Variants in SRSF11 observed in about 807,000 individuals in gnomAD.
The protein encoded by SRSF11 is serine/arginine-rich splicing factor 11.
A neutral mutation model predicts 56.0 loss-of-function variants in SRSF11; 9 were observed. The ratio of observed to expected loss-of-function variants is 0.16; its 90% CI spans 0.10 to 0.28. SRSF11 has a LOEUF of 0.28. Among genes scored for constraint, SRSF11 ranks in the 10% least tolerant of loss-of-function variants. SRSF11 has a pLI of 1.00. For synonymous variants in SRSF11, 222 were observed against 215.3 expected (o/e 1.03, Z -0.27); for missense variants, 421 against 600.7 (o/e 0.70, Z 3.13).
chr1:70,237,905 A>G (rs902152289), intron 6 of SRSF11, among the ~76,000 whole-genome samples: 4 of 152,192 alleles, frequency 2.6e-5, no homozygotes, highest in Non-Finnish European at 4.4e-5. Flanking sequence ...GGGATAGCCT[A>G]ATTTTAATTT....
chr1:70,249,887 G>A, intron 9 of SRSF11, 65 bp from the exon 10 acceptor site: 6 of 1,503,266 alleles, frequency 4.0e-6, no homozygotes, highest in Non-Finnish European at 5.6e-6. Flanking sequence ...AATCATCTAT[G>A]ATGTGTCTGC....
At chr1:70,245,275 C>A (rs1322450344) in intron 8 of SRSF11, among the ~76,000 whole-genome samples, 1 of 152,108 alleles carries the variant, frequency 6.6e-6, no homozygotes, top group East Asian at 1.9e-4. Context: ...CTAGAAGCAA[C>A]TCTATATTTG....
At chr1:70,236,052 T>G (rs1327512508) in intron 5 of SRSF11, among the ~76,000 whole-genome samples, 1 of 152,200 alleles carries the variant, frequency 6.6e-6, no homozygotes, top group Non-Finnish European at 1.5e-5. Context: ...AAATTTGAAC[T>G]TTATACCTTT....
At chr1:70,226,576 G>A (rs1671835833) in intron 1 of SRSF11, among the ~76,000 whole-genome samples, 1 of 152,172 alleles carries the variant, frequency 6.6e-6, no homozygotes, top group African/African-American at 2.4e-5. Flanking sequence ...AGTGTTAAAA[G>A]AATTGGTAGA....
intron 1 of SRSF11, among the ~76,000 whole-genome samples, chr1:70,215,948 G>C (rs887835948): frequency 6.6e-6 from 1 of 152,116 alleles, no homozygotes; most frequent in African/African-American, 2.4e-5. Flanking sequence ...CACCACGCGC[G>C]GCTGATTTTG....
At chr1:70,229,189 T>G in intron 2 of SRSF11, 1 of 1,287,244 alleles carries the variant, frequency 7.8e-7, no homozygotes, top group South Asian at 1.2e-5. Flanking sequence ...TCTCTGTTAT[T>G]TGTGTGTGTG....
intron 1 of SRSF11, among the ~76,000 whole-genome samples, chr1:70,207,989 G>C (rs1456681781): frequency 6.6e-6 from 1 of 152,016 alleles, no homozygotes; most frequent in African/African-American, 2.4e-5. Flanking sequence ...TGGGATTACA[G>C]GCATGAGCCA....
chr1:70,232,504 C>A, intron 3 of SRSF11, 127 bp downstream of exon 3: 1 of 661,566 alleles, frequency 1.5e-6, no homozygotes, highest in Non-Finnish European at 2.6e-6. Context: ...ATGTCTATAT[C>A]AAAATCACAA....
At chr1:70,210,489 G>C (rs1252801882) in intron 1 of SRSF11, among the ~76,000 whole-genome samples, 1 of 152,140 alleles carries the variant, frequency 6.6e-6, no homozygotes, top group Non-Finnish European at 1.5e-5. Flanking sequence ...AAGGCAGGCA[G>C]ATCCCATGAG....
intron 2 of SRSF11, 62 bp from the exon 3 acceptor site, chr1:70,232,194 CATTTTCTGGGTG>C: frequency 6.2e-7 from 1 of 1,609,688 alleles, no homozygotes; most frequent in Non-Finnish European, 8.5e-7. Context: ...ATCAGGGAGA[CATTTTCTGGGTG>C]TTTTTGTGTG....
At chr1:70,250,273 C>T in intron 10 of SRSF11, 92 bp from the exon 11 acceptor site, 1 of 1,543,656 alleles carries the variant, frequency 6.5e-7, no homozygotes, top group Non-Finnish European at 8.7e-7. Flanking sequence ...GAAGTTGGAT[C>T]TTTGCTGTAC....
chr1:70,214,718 A>G (rs1669853226), intron 1 of SRSF11, among the ~76,000 whole-genome samples: 1 of 152,070 alleles, frequency 6.6e-6, no homozygotes, highest in East Asian at 1.9e-4. Flanking sequence ...CCCTAGTGCT[A>G]ACTCATCCTT....
intron 1 of SRSF11, among the ~76,000 whole-genome samples, chr1:70,225,674 A>G (rs932780321): frequency 6.6e-6 from 1 of 152,198 alleles, no homozygotes; most frequent in Non-Finnish European, 1.5e-5. Context: ...TGTAGTCTAG[A>G]AGATTCTGAA....
At chr1:70,217,448 C>T (rs1288072701), upstream of SRSF11, among the ~76,000 whole-genome samples, 5 of 152,128 alleles carry the variant, frequency 3.3e-5, no homozygotes, top group Admixed American at 2.0e-4. Flanking sequence ...TGAGCCACCG[C>T]GCCTGGCTGT....
chr1:70,233,896 T>A (rs1362798152), intron 3 of SRSF11, among the ~76,000 whole-genome samples: 2 of 152,154 alleles, frequency 1.3e-5, no homozygotes, highest in African/African-American at 2.4e-5. Context: ...TATAGGAGAT[T>A]ACTAGGGGAA....
At chr1:70,212,167 A>G (rs891685244) in intron 1 of SRSF11, among the ~76,000 whole-genome samples, 1 of 152,120 alleles carries the variant, frequency 6.6e-6, no homozygotes, top group African/African-American at 2.4e-5. Context: ...TGTGAGTAGT[A>G]TTTTACTTTT....
intron 2 of SRSF11, 191 bp downstream of exon 2, chr1:70,228,746 A>G: frequency 1.6e-6 from 2 of 1,268,380 alleles, no homozygotes; most frequent in South Asian, 5.5e-5. Flanking sequence ...GTCTGTTATT[A>G]TAAGGTATTT....
chr1:70,229,577 T>C, intron 2 of SRSF11: 1 of 984,892 alleles, frequency 1.0e-6, no homozygotes, highest in Non-Finnish European at 1.2e-6. Context: ...ATAAAACTGC[T>C]GGATTTTAAG....
In SRSF11 at chr1:70,232,420, G is replaced by A. The variant is rs762286057; in HGVS notation, c.447+43G>A. 1.6e-5 allele frequency: 24 copies of A among 1,469,928 alleles called. No homozygotes were observed. The South Asian group carries it at 2.9e-4, about 18-fold the overall frequency. 91.1% of individuals were successfully genotyped at this position (1,469,928 alleles called of 1,614,324 possible). On this transcript the variant is annotated intron_variant, in intron 3 of 11. Coordinates refer to ENST00000370949, the MANE Select transcript of SRSF11 (RefSeq NM_001350605.2). ...TTCTTAAAGGGTGGGGAAAAAAACA[G>A]AATTGTGCATAAAGCTAAACATATT...
Sources: allele counts gnomAD v4.1 joint callset (sites outside exome capture counted in the v4.1 genomes callset), GRCh38; gene constraint gnomAD v4.1.1; transcripts MANE v1.5; gene names NCBI Gene and HGNC (gene_info 2026-07-23, HGNC 2026-07-21).